The following PCDH7 variants were observed in gnomAD, a reference collection of about 807,000 sequenced individuals.
The protein encoded by PCDH7 is protocadherin 7, also known as protocadherin-7.
Under a neutral mutation model 58.9 loss-of-function variants are expected in PCDH7, and 17 were observed. That is an observed-to-expected ratio of 0.29 (90% confidence interval 0.20 to 0.43). The LOEUF is 0.43. PCDH7 is among the 20% of genes least tolerant of loss of function. The probability of loss-of-function intolerance (pLI) is 1.00; values close to 1 mark genes in which losing one functional copy is unlikely to be tolerated. For synonymous variants in PCDH7, 664 were observed against 616.4 expected (o/e 1.08, Z -1.14); for missense variants, 1,274 against 1,441.0 (o/e 0.88, Z 1.88).
At chr4:30,851,396 T>C (rs982985882) in intron 1 of PCDH7, among the ~76,000 whole-genome samples, 1 of 151,974 alleles carries the variant, frequency 6.6e-6, no homozygotes, top group African/African-American at 2.4e-5. Flanking sequence ...GGCTCCCAAA[T>C]CTATATTTTT....
intron 1 of PCDH7, among the ~76,000 whole-genome samples, chr4:30,750,003 T>C (rs1718295676): frequency 6.6e-6 from 1 of 152,164 alleles, no homozygotes; most frequent in Non-Finnish European, 1.5e-5. Context: ...AATCTGCAAG[T>C]TTCTATACAA....
intron 2 of PCDH7, among the ~76,000 whole-genome samples, chr4:30,938,075 T>C (rs1745569699): frequency 6.6e-6 from 1 of 152,036 alleles, no homozygotes; most frequent in Non-Finnish European, 1.5e-5. Context: ...TTAGGACAAT[T>C]CTCTTGTAGC....
chr4:30,729,171 C>T (rs1715101597), intron 1 of PCDH7, among the ~76,000 whole-genome samples: 1 of 151,710 alleles, frequency 6.6e-6, no homozygotes, highest in Non-Finnish European at 1.5e-5. Context: ...GGACTAGAGT[C>T]CAAGTTATGG....
At chr4:30,762,507 T>C (rs1720156880) in intron 1 of PCDH7, among the ~76,000 whole-genome samples, 1 of 2,818 alleles carries the variant, frequency 3.5e-4, no homozygotes, top group South Asian at 0.12. Flanking sequence ...ACTCATGATA[T>C]GAAATCTTCA....
At chr4:31,056,492 A>AGAAAGAAAGAAAGAAAGAAG (rs1757225597) in intron 3 of PCDH7, among the ~76,000 whole-genome samples, 8 of 136,134 alleles carry the variant, frequency 5.9e-5, no homozygotes, top group Non-Finnish European at 9.5e-5. Flanking sequence ...AAAGAAAGAA[A>AGAAAGAAAGAAAGAAAGAAG]GAAAGAAAGA....
intron 1 of PCDH7, among the ~76,000 whole-genome samples, chr4:30,815,040 A>T (rs571126821): frequency 1.1e-3 from 163 of 152,302 alleles, no homozygotes; most frequent in Non-Finnish European, 1.9e-3. Flanking sequence ...TATATTAATA[A>T]AAAAGAGAAT....
intron 3 of PCDH7, among the ~76,000 whole-genome samples, chr4:31,103,773 A>G (rs1386932904): frequency 6.6e-6 from 1 of 152,172 alleles, no homozygotes; most frequent in Non-Finnish European, 1.5e-5. Context: ...AATGGATCTC[A>G]TATACCCACG....
intron 1 of PCDH7, among the ~76,000 whole-genome samples, chr4:30,817,260 A>T (rs1465517279): frequency 1.3e-5 from 2 of 152,152 alleles, no homozygotes; most frequent in Non-Finnish European, 2.9e-5. Context: ...CATCTATCTC[A>T]TAGGATGTTG....
intron 2 of PCDH7, among the ~76,000 whole-genome samples, chr4:30,926,450 C>T (rs549313034): frequency 6.6e-6 from 1 of 152,296 alleles, no homozygotes; most frequent in Non-Finnish European, 1.5e-5. Context: ...TCCCAAAGTG[C>T]TGGGATTACA....
At chr4:30,937,531 T>C (rs1745507051) in intron 2 of PCDH7, among the ~76,000 whole-genome samples, 1 of 152,116 alleles carries the variant, frequency 6.6e-6, no homozygotes, top group Non-Finnish European at 1.5e-5. Context: ...TGCTCAAACT[T>C]GCTTAAGAAT....
At chr4:30,778,390 T>A (rs1426059761) in intron 1 of PCDH7, among the ~76,000 whole-genome samples, 2 of 152,178 alleles carry the variant, frequency 1.3e-5, no homozygotes, top group Non-Finnish European at 2.9e-5. Flanking sequence ...TTTTGAAGTA[T>A]AAGATTTTCA....
rs751804446 is a variant in PCDH7 at position 31,142,811 on chromosome 4, C to G, written c.*346C>G. ...AAAAACAGGGGAATATAAGCCATCT[C>G]CTGTCAATACTCTCACTAGAAGAGA... On this transcript the variant is annotated 3_prime_UTR_variant, in exon 4 of 4. Coordinates refer to the PCDH7 transcript ENST00000509759. 2.2e-6 allele frequency: 3 copies of G among 1,366,510 alleles called. No homozygotes were observed. The Admixed American group carries it at 5.7e-5, about 26-fold the overall frequency. 84.6% of individuals were successfully genotyped at this position (1,366,510 alleles called of 1,614,324 possible). A position where few individuals can be genotyped will look rare whatever the true frequency, so the allele number is the denominator to read the frequency against.
chr4:31,050,131 G>A (rs1578657510), intron 3 of PCDH7, among the ~76,000 whole-genome samples: 1 of 152,224 alleles, frequency 6.6e-6, no homozygotes, highest in East Asian at 1.9e-4. Flanking sequence ...CCTGTGTTCA[G>A]TCTATACTTT....
chr4:30,772,974 T>C (rs1312084752), intron 1 of PCDH7, among the ~76,000 whole-genome samples: 1 of 152,194 alleles, frequency 6.6e-6, no homozygotes, highest in Admixed American at 6.5e-5. Context: ...CAATCTCGGC[T>C]CACTGCAACC....
At chr4:30,984,948 T>C (rs1394986790) in intron 3 of PCDH7, among the ~76,000 whole-genome samples, 1 of 151,920 alleles carries the variant, frequency 6.6e-6, no homozygotes, top group East Asian at 1.9e-4. Context: ...ATTTGTGCAC[T>C]GTTTTATATT....
Position 30,722,342 on chromosome 4 carries a change from G to A in PCDH7, c.920G>A (p.Arg307His), listed in dbSNP as rs1414762988. Residue 307 changes from arginine to histidine, a missense_variant, in exon 1 of 2, where the codon CGC becomes CAC. Around this residue, in one of 3 missense-constraint regions of PCDH7, gnomAD observed 331 missense variants for 303.2 expected, o/e 1.09. Transcript: ENST00000361762. The surrounding 1 kb of genome is among the most constrained non-coding windows in gnomAD (Gnocchi z 7.6). ...ACCGACGTGAACGACAACAGCCCCCGCTTCGAGAAGAGCGTGTACGAGGCC... is the reference window on the plus strand; with the variant it reads ...ACCGACGTGAACGACAACAGCCCCCACTTCGAGAAGAGCGTGTACGAGGCC... 75 of 1,611,714 alleles carry A rather than the reference G, an allele frequency of 4.7e-5. 1 individual carries two copies. Among genetic ancestry groups the A allele is most frequent in the Non-Finnish European group, 6.3e-5 (74 of 1,179,648 alleles).
chr4:31,010,813 T>G (rs4235018), intron 3 of PCDH7, among the ~76,000 whole-genome samples: 151,777 of 151,884 alleles, frequency 1, 75,835 homozygotes, highest in Middle Eastern at 1. Flanking sequence ...AAAAAAGGTC[T>G]CAAAAATAAT....
chr4:30,928,152 T>A (rs746559480), intron 2 of PCDH7, among the ~76,000 whole-genome samples: 14 of 152,162 alleles, frequency 9.2e-5, no homozygotes, highest in Non-Finnish European at 1.2e-4. Flanking sequence ...CTCAAACTCC[T>A]GGAATCAGGG....
intron 3 of PCDH7, among the ~76,000 whole-genome samples, chr4:31,022,924 T>A (rs1754143065): frequency 6.6e-6 from 1 of 151,840 alleles, no homozygotes; most frequent in Non-Finnish European, 1.5e-5. Context: ...ACAGTTAAGA[T>A]GAAGGAAAAG....
Sources: gnomAD v4.1 joint callset for allele counts (sites outside exome capture counted in the v4.1 genomes callset) on GRCh38, gnomAD v4.1.1 for gene constraint, gnomAD v4.1.1 regional missense constraint, Gnocchi (gnomAD v3.1) non-coding constraint, MANE v1.5 for transcripts, NCBI Gene and HGNC (gene_info 2026-07-23, HGNC 2026-07-21) for gene names.